Variants in TMTC1 observed in about 807,000 individuals in gnomAD.
TMTC1 encodes transmembrane O-mannosyltransferase targeting cadherins 1, also known as protein O-mannosyl-transferase TMTC1.
In TMTC1, 73 loss-of-function variants were observed where a neutral mutation model predicts 104.8. The observed-to-expected ratio is 0.70, with a 90% CI of 0.58 to 0.85. The LOEUF (loss-of-function observed/expected upper bound fraction) is 0.85. Among genes scored for constraint, TMTC1 ranks in the 40% least tolerant of loss-of-function variants. TMTC1 has a pLI of 0.00. For synonymous variants in TMTC1, 434 were observed against 428.7 expected, an observed-to-expected ratio of 1.01 and a Z score of -0.15; for missense variants, 1,035 against 1,096.1, an observed-to-expected ratio of 0.94 and a Z score of 0.79.
chr12:29,643,836 T>A (rs1176648925), intron 5 of TMTC1, among the ~76,000 whole-genome samples: 2 of 80,180 alleles, frequency 2.5e-5, no homozygotes, highest in Admixed American at 2.4e-4. Context: ...TATTTATATA[T>A]ATTTATATAT....
intron 13 of TMTC1, 63 bp downstream of exon 13, chr12:29,518,406 TAAG>T: frequency 6.4e-7 from 1 of 1,569,372 alleles, no homozygotes; most frequent in Non-Finnish European, 8.7e-7. Flanking sequence ...TCTGATTAAC[TAAG>T]AAGCTGATGA....
intron 5 of TMTC1, among the ~76,000 whole-genome samples, chr12:29,635,860 A>T (rs1938524577): frequency 6.6e-6 from 1 of 152,198 alleles, no homozygotes; most frequent in African/African-American, 2.4e-5. Flanking sequence ...GAAGAGAAGG[A>T]GGGAGAGGGC....
At chr12:29,627,870 C>G (rs1466840712) in intron 6 of TMTC1, among the ~76,000 whole-genome samples, 1 of 152,068 alleles carries the variant, frequency 6.6e-6, no homozygotes, top group Non-Finnish European at 1.5e-5. Flanking sequence ...TCACTTTGAC[C>G]TTCTTGTTAT....
intron 10 of TMTC1, among the ~76,000 whole-genome samples, chr12:29,546,814 T>G (rs299463): frequency 0.67 from 101,691 of 151,972 alleles, 35,437 homozygotes; most frequent in Middle Eastern, 0.83. Context: ...CCCAGGAGTT[T>G]GGAAGTTTGA....
At chr12:29,545,380 C>A (rs1037399364) in intron 10 of TMTC1, among the ~76,000 whole-genome samples, 4 of 152,194 alleles carry the variant, frequency 2.6e-5, no homozygotes, top group African/African-American at 4.8e-5. Flanking sequence ...TGGCTCACGC[C>A]TATAATCCCA....
intron 5 of TMTC1, among the ~76,000 whole-genome samples, chr12:29,720,355 G>A (rs1248110549): frequency 6.6e-6 from 1 of 152,118 alleles, no homozygotes; most frequent in East Asian, 1.9e-4. Flanking sequence ...AATAAATATG[G>A]TGCCAGATGG....
intron 6 of TMTC1, among the ~76,000 whole-genome samples, chr12:29,625,443 T>G (rs1368139265): frequency 6.6e-6 from 1 of 152,204 alleles, no homozygotes; most frequent in Non-Finnish European, 1.5e-5. Context: ...AGCAAAGCTC[T>G]GTCTCCAACC....
At chr12:29,774,781 G>A (rs1943670853) in intron 1 of TMTC1, among the ~76,000 whole-genome samples, 1 of 152,160 alleles carries the variant, frequency 6.6e-6, no homozygotes, top group South Asian at 2.1e-4. Context: ...ATTCCCTTCA[G>A]TACCAGGAAT....
At chr12:29,615,224 T>C (rs1490058665) in intron 6 of TMTC1, among the ~76,000 whole-genome samples, 1 of 152,202 alleles carries the variant, frequency 6.6e-6, no homozygotes, top group Admixed American at 6.5e-5. Flanking sequence ...CTGTTAAAAG[T>C]GCAGCCATTT....
chr12:29,548,992 A>C (rs1010079174), intron 10 of TMTC1, among the ~76,000 whole-genome samples: 6 of 145,380 alleles, frequency 4.1e-5, no homozygotes, highest in Non-Finnish European at 6.0e-5. Context: ...AATTAAATTA[A>C]ATATATAAAT....
chr12:29,624,528 C>A (rs2136472833), intron 6 of TMTC1, among the ~76,000 whole-genome samples: 1 of 152,268 alleles, frequency 6.6e-6, no homozygotes, highest in Middle Eastern at 3.4e-3. Flanking sequence ...CCACTTGGCT[C>A]CAGCCATCTC....
intron 5 of TMTC1, among the ~76,000 whole-genome samples, chr12:29,727,114 G>A (rs1942413797): frequency 6.6e-6 from 1 of 152,188 alleles, no homozygotes; most frequent in South Asian, 2.1e-4. Flanking sequence ...CAATGTCTCA[G>A]CTTCTCTGTA....
intron 5 of TMTC1, among the ~76,000 whole-genome samples, chr12:29,673,418 AATAATT>A (rs1351790425): frequency 6.6e-6 from 1 of 152,176 alleles, no homozygotes; most frequent in Non-Finnish European, 1.5e-5. Context: ...AGAAATCCAT[AATAATT>A]AAGTCTACAT....
chr12:29,645,332 C>T (rs1277698117), intron 5 of TMTC1, among the ~76,000 whole-genome samples: 1 of 152,202 alleles, frequency 6.6e-6, no homozygotes, highest in African/African-American at 2.4e-5. Context: ...GTGCTACAGG[C>T]ATTCCCTTCA....
chr12:29,661,547 G>A (rs934167018), intron 5 of TMTC1, among the ~76,000 whole-genome samples: 28 of 96,576 alleles, frequency 2.9e-4, no homozygotes, highest in Middle Eastern at 5.6e-3. Context: ...TCAGCCTCCC[G>A]AGTAGTTGGG....
intron 7 of TMTC1, among the ~76,000 whole-genome samples, chr12:29,587,115 C>T (rs935339905): frequency 9.9e-5 from 15 of 152,090 alleles, no homozygotes; most frequent in Admixed American, 9.2e-4. Flanking sequence ...ATTTCAGAGC[C>T]TGTTATTGGT....
intron 5 of TMTC1, among the ~76,000 whole-genome samples, chr12:29,723,010 A>G (rs1233240151): frequency 6.6e-6 from 1 of 151,858 alleles, no homozygotes; most frequent in African/African-American, 2.4e-5. Context: ...AGACACAAAA[A>G]TCAATTTTAT....
At chr12:29,611,016 T>C (rs1946830530) in intron 6 of TMTC1, among the ~76,000 whole-genome samples, 1 of 152,252 alleles carries the variant, frequency 6.6e-6, no homozygotes, top group Admixed American at 6.5e-5. Context: ...GTATACTTGA[T>C]GTCTTCCCTA....
At chr12:29,780,576 C>T (rs1171502474) in intron 1 of TMTC1, among the ~76,000 whole-genome samples, 1 of 152,070 alleles carries the variant, frequency 6.6e-6, no homozygotes, top group African/African-American at 2.4e-5. Context: ...TGGAATTGTT[C>T]CGTATCTTGA....
Sources: allele counts gnomAD v4.1 joint callset (sites outside exome capture counted in the v4.1 genomes callset), GRCh38; gene constraint gnomAD v4.1.1; transcripts MANE v1.5; gene names NCBI Gene and HGNC (gene_info 2026-07-23, HGNC 2026-07-21).